Variants in HS3ST4 observed in about 807,000 individuals in gnomAD.
HS3ST4 encodes the protein heparan sulfate-glucosamine 3-sulfotransferase 4.
In HS3ST4, 17 loss-of-function variants were observed where a neutral mutation model predicts 29.2. The observed-to-expected ratio is 0.58, with a 90% CI of 0.40 to 0.87. HS3ST4 has a LOEUF of 0.87. HS3ST4 is among the 40% of genes least tolerant of loss of function. The probability of loss-of-function intolerance (pLI) is 0.00; values close to 1 mark genes in which losing one functional copy is unlikely to be tolerated. For missense variants in HS3ST4, 627 were observed against 634.5 expected (o/e 0.99, Z 0.13); for synonymous variants, 314 against 285.7 (o/e 1.10, Z -1.00).
chr16:25,752,731 T>G (rs1966730184), intron 1 of HS3ST4, among the ~76,000 whole-genome samples: 1 of 152,228 alleles, frequency 6.6e-6, no homozygotes, highest in African/African-American at 2.4e-5. Context: ...TGTTGTTTAT[T>G]TCCCCGATAG....
chr16:25,755,074 A>T (rs545564382), intron 1 of HS3ST4, among the ~76,000 whole-genome samples: 1 of 151,798 alleles, frequency 6.6e-6, no homozygotes, highest in Admixed American at 6.6e-5. Flanking sequence ...CCTACTATCC[A>T]TCCATTCATT....
At chr16:25,850,916 G>A (rs775255254) in intron 1 of HS3ST4, among the ~76,000 whole-genome samples, 1 of 152,174 alleles carries the variant, frequency 6.6e-6, no homozygotes, top group Non-Finnish European at 1.5e-5. Context: ...TGCATAAGGC[G>A]ATACTGTGTC....
chr16:25,745,850 A>AT (rs566027957), intron 1 of HS3ST4, among the ~76,000 whole-genome samples: 319 of 152,202 alleles, frequency 2.1e-3, no homozygotes, highest in African/African-American at 7.2e-3. Context: ...TATCCTAACC[A>AT]TTTTTTCACT....
intron 1 of HS3ST4, among the ~76,000 whole-genome samples, chr16:26,127,705 TACTC>T (rs1187557420): frequency 2.6e-5 from 4 of 152,172 alleles, no homozygotes; most frequent in African/African-American, 9.7e-5. Context: ...AGCCTCAGAT[TACTC>T]ACGGATATCA....
At chr16:25,738,694 C>T (rs1426645740) in intron 1 of HS3ST4, among the ~76,000 whole-genome samples, 3 of 152,144 alleles carry the variant, frequency 2.0e-5, no homozygotes, top group Non-Finnish European at 4.4e-5. Flanking sequence ...TGGCTTTCTC[C>T]CTGGTCACTT....
At chr16:25,794,444 T>C (rs1274160879) in intron 1 of HS3ST4, among the ~76,000 whole-genome samples, 1 of 152,108 alleles carries the variant, frequency 6.6e-6, no homozygotes, top group Non-Finnish European at 1.5e-5. Flanking sequence ...TCGGGTTTTA[T>C]CGTTTAAAAA....
intron 1 of HS3ST4, among the ~76,000 whole-genome samples, chr16:25,725,316 C>T (rs1454677774): frequency 6.6e-6 from 1 of 152,136 alleles, no homozygotes; most frequent in Non-Finnish European, 1.5e-5. Context: ...TTACTTACCA[C>T]AACCATATCC....
chr16:26,046,657 C>CA (rs567038022), intron 1 of HS3ST4, among the ~76,000 whole-genome samples: 143 of 152,142 alleles, frequency 9.4e-4, no homozygotes, highest in African/African-American at 3.3e-3. Flanking sequence ...CTTTAAGACT[C>CA]AGGAGGATTT....
At chr16:26,050,506 G>A (rs1270435494) in intron 1 of HS3ST4, among the ~76,000 whole-genome samples, 1 of 152,112 alleles carries the variant, frequency 6.6e-6, no homozygotes, top group Non-Finnish European at 1.5e-5. Context: ...GAAGCAAATA[G>A]CGAATGATAA....
chr16:25,857,954 TTCTTTCTTTCTTTCTTTCTCTTTTCTG>T, intron 1 of HS3ST4, among the ~76,000 whole-genome samples: 1 of 56,080 alleles, frequency 1.8e-5, no homozygotes, highest in African/African-American at 1.0e-4. Context: ...CTTTCTTTCT[TTCTTTCTTTCTTTCTTTCTCTTTTCTG>T]TCTTTCTTTT....
chr16:25,777,948 T>C (rs1444498471), intron 1 of HS3ST4, among the ~76,000 whole-genome samples: 2 of 152,098 alleles, frequency 1.3e-5, no homozygotes, highest in Non-Finnish European at 2.9e-5. Flanking sequence ...GAGAAATAGA[T>C]AGACACACAT....
chr16:25,811,825 T>C (rs996544353), intron 1 of HS3ST4, among the ~76,000 whole-genome samples: 1 of 152,194 alleles, frequency 6.6e-6, no homozygotes, highest in African/African-American at 2.4e-5. Context: ...TTTATGTTAT[T>C]AGTAAGACTT....
intron 1 of HS3ST4, among the ~76,000 whole-genome samples, chr16:25,925,960 CCCTCTGTCTGGACAGAAGCCAAAT>C (rs1968398537): frequency 6.6e-6 from 1 of 152,114 alleles, no homozygotes; most frequent in Admixed American, 6.6e-5. Context: ...CCATGCCAGA[CCCTCTGTCTGGACAGAAGCCAAAT>C]CCTTCCTATC....
At position 26,027,091 on chromosome 16, in the gene HS3ST4, T is replaced by C. The variant is rs144868894; in HGVS notation, c.735-108521T>C. ...GTCCCAACTGCAGACCTTTGGACTA[T>C]GAAGAAATATTTATTTTACTTCTTA... On this transcript the variant is annotated intron_variant, in intron 1 of 1. Coordinates refer to ENST00000331351, the MANE Select transcript of HS3ST4 (RefSeq NM_006040.3). Among the ~76,000 whole-genome samples, 1,230 of 152,328 alleles carry C rather than the reference T, an allele frequency of 8.1e-3. 18 individuals are homozygous for C. Among genetic ancestry groups the C allele is most frequent in the African/African-American group, 0.028 (1,166 of 41,566 alleles).
At chr16:25,801,089 G>A (rs140377130) in intron 1 of HS3ST4, among the ~76,000 whole-genome samples, 10 of 152,252 alleles carry the variant, frequency 6.6e-5, no homozygotes, top group East Asian at 1.9e-4. Context: ...GGTGAGGCCT[G>A]AAAATTTGCA....
chr16:26,111,591 G>A (rs1307509654), intron 1 of HS3ST4, among the ~76,000 whole-genome samples: 1 of 152,118 alleles, frequency 6.6e-6, no homozygotes, highest in Non-Finnish European at 1.5e-5. Context: ...GATGGAGGAG[G>A]CCACAGGGAA....
Position 25,698,833 on chromosome 16 carries a change from T to C in HS3ST4, c.734+5682T>C, listed in dbSNP as rs1179317127. 1.3e-5 allele frequency among the ~76,000 whole-genome samples: 2 copies of C among 152,168 alleles called. 1 individual carries two copies. Among genetic ancestry groups the C allele is most frequent in the East Asian group, 3.9e-4 (2 of 5,192 alleles). Reference sequence around the variant, plus strand: ...CCTTTTAAACCGAAGGTCACACAACTTCAGGGCTCAGACAGGTCGTATAAA... The same window carrying C: ...CCTTTTAAACCGAAGGTCACACAACCTCAGGGCTCAGACAGGTCGTATAAA... On this transcript the variant is annotated intron_variant, in intron 1 of 1. Coordinates refer to ENST00000331351, the MANE Select transcript of HS3ST4 (RefSeq NM_006040.3).
chr16:26,071,968 T>G (rs1191246032), intron 1 of HS3ST4, among the ~76,000 whole-genome samples: 1 of 152,304 alleles, frequency 6.6e-6, no homozygotes, highest in South Asian at 2.1e-4. Context: ...CAAATGACTC[T>G]CCCATCTTCT....
intron 1 of HS3ST4, among the ~76,000 whole-genome samples, chr16:25,903,294 G>GTATA (rs1968137270): frequency 3.5e-4 from 7 of 19,886 alleles, no homozygotes; most frequent in Admixed American, 9.3e-4. Context: ...GTGTGTGTGT[G>GTATA]TGTGTGTGTA....
Sources: allele counts gnomAD v4.1 joint callset (sites outside exome capture counted in the v4.1 genomes callset), GRCh38; gene constraint gnomAD v4.1.1; transcripts MANE v1.5; gene names NCBI Gene and HGNC (gene_info 2026-07-23, HGNC 2026-07-21).